Variants in TTC29 observed in about 807,000 individuals in gnomAD.
The protein encoded by TTC29 is tetratricopeptide repeat domain 29, also known as tetratricopeptide repeat protein 29.
TTC29 carries 49 observed loss-of-function variants against 58.1 expected under a neutral mutation model. The observed-to-expected ratio is 0.84, with a 90% CI of 0.67 to 1.07. The LOEUF (loss-of-function observed/expected upper bound fraction) is 1.07. Among genes scored for constraint, TTC29 ranks in the 50% least tolerant of loss-of-function variants. The probability of loss-of-function intolerance (pLI) is 0.00; values close to 1 mark genes in which losing one functional copy is unlikely to be tolerated. For missense variants in TTC29, 582 were observed against 555.6 expected (o/e 1.05, Z -0.48); for synonymous variants, 209 against 196.8 (o/e 1.06, Z -0.52).
At chr4:146,782,915 G>A (rs575923027) in intron 11 of TTC29, among the ~76,000 whole-genome samples, 1 of 152,074 alleles carries the variant, frequency 6.6e-6, no homozygotes, top group Admixed American at 6.6e-5. Flanking sequence ...AAAAGACCTT[G>A]TAAATCCAGA....
intron 6 of TTC29, among the ~76,000 whole-genome samples, chr4:146,875,584 A>C (rs1731204705): frequency 6.6e-6 from 1 of 152,124 alleles, no homozygotes. Flanking sequence ...TCCTGAGCTC[A>C]AGCGATCCTT....
chr4:146,793,866 C>T (rs1749646784), intron 11 of TTC29, among the ~76,000 whole-genome samples: 2 of 152,134 alleles, frequency 1.3e-5, no homozygotes, highest in Non-Finnish European at 2.9e-5. Context: ...TACACTTGCA[C>T]ATGCTTGAAA....
intron 8 of TTC29, among the ~76,000 whole-genome samples, chr4:146,861,422 G>C (rs984551588): frequency 1.3e-5 from 2 of 152,118 alleles, no homozygotes; most frequent in Non-Finnish European, 2.9e-5. Flanking sequence ...CATTCTCCTC[G>C]TTAAATGTCA....
chr4:146,919,080 A>T (rs1734419143), intron 4 of TTC29, among the ~76,000 whole-genome samples: 1 of 151,172 alleles, frequency 6.6e-6, no homozygotes, highest in Non-Finnish European at 1.5e-5. Flanking sequence ...TCCTTTGAGA[A>T]ATTCAAACTT....
chr4:146,747,131 A>G (rs762304812), intron 11 of TTC29, among the ~76,000 whole-genome samples: 1 of 152,114 alleles, frequency 6.6e-6, no homozygotes, highest in Non-Finnish European at 1.5e-5. Flanking sequence ...AGTTTTTACT[A>G]CTAGAGACTC....
intron 6 of TTC29, among the ~76,000 whole-genome samples, chr4:146,875,450 A>T (rs1416540651): frequency 6.6e-6 from 1 of 152,160 alleles, no homozygotes; most frequent in Non-Finnish European, 1.5e-5. Flanking sequence ...TGATACTCTC[A>T]ACCAATATCC....
At chr4:146,708,324 A>ATATATACATGTATGTGTGTG (rs1561046717) in intron 11 of TTC29, among the ~76,000 whole-genome samples, 2 of 35,660 alleles carry the variant, frequency 5.6e-5, no homozygotes, top group African/African-American at 1.2e-4. Flanking sequence ...ATATATATAT[A>ATATATACATGTATGTGTGTG]TATATATATA....
intron 11 of TTC29, among the ~76,000 whole-genome samples, chr4:146,726,241 G>A (rs1007587934): frequency 6.6e-6 from 1 of 152,008 alleles, no homozygotes; most frequent in African/African-American, 2.4e-5. Context: ...ATCACTTGAG[G>A]CCAGGAGTTT....
At chr4:146,857,267 C>T (rs1048376164) in intron 8 of TTC29, among the ~76,000 whole-genome samples, 2 of 129,310 alleles carry the variant, frequency 1.5e-5, no homozygotes, top group Non-Finnish European at 3.2e-5. Flanking sequence ...TGTTTGTGTA[C>T]TAGTGGAAGA....
intron 9 of TTC29, chr4:146,831,610 C>A: frequency 2.8e-6 from 1 of 362,722 alleles, no homozygotes. Flanking sequence ...CCAAATAATA[C>A]TTAAATAGGC....
At chr4:146,903,450 A>C in intron 6 of TTC29, 94 bp downstream of exon 6, 1 of 1,124,862 alleles carries the variant, frequency 8.9e-7, no homozygotes, top group Non-Finnish European at 1.2e-6. Context: ...CTGAAATCTC[A>C]GGTCTTTTTT....
intron 11 of TTC29, among the ~76,000 whole-genome samples, chr4:146,791,209 C>T (rs973563900): frequency 6.6e-6 from 1 of 152,112 alleles, no homozygotes; most frequent in Non-Finnish European, 1.5e-5. Context: ...TTCTTTATTG[C>T]ACTATGCAGA....
chr4:146,877,600 A>G (rs769978249), intron 6 of TTC29, among the ~76,000 whole-genome samples: 92 of 152,176 alleles, frequency 6.0e-4, no homozygotes, highest in Non-Finnish European at 1.1e-3. Flanking sequence ...TCTGTGTGTT[A>G]TATTTCCTCT....
At chr4:146,942,842 G>T in intron 2 of TTC29, 1 of 432,536 alleles carries the variant, frequency 2.3e-6, no homozygotes, top group Non-Finnish European at 4.1e-6. Context: ...CTTCATAATT[G>T]CAGGGGTCTT....
rs766977455 is a variant in TTC29 at position 146,833,899 on chromosome 4, T to C, written c.886-2A>G. 8.1e-6 allele frequency: 13 copies of C among 1,606,908 alleles called. No homozygotes were observed. The South Asian group carries it at 8.8e-5, about 11-fold the overall frequency. On this transcript the variant is annotated splice_acceptor_variant, in intron 8 of 12. Coordinates refer to ENST00000325106, the MANE Select transcript of TTC29 (RefSeq NM_031956.4). LOFTEE classifies it high-confidence loss of function. The stretch of plus-strand genomic sequence containing the variant: ...GATTTTACAGTAAGTGTCAAGGACC[T>C]ATCAGGAAGAGAAATACATATTGAA...
intron 11 of TTC29, among the ~76,000 whole-genome samples, chr4:146,716,636 A>G (rs563613203): frequency 6.6e-6 from 1 of 152,214 alleles, no homozygotes; most frequent in East Asian, 1.9e-4. Flanking sequence ...ATGTATGTTG[A>G]GATTTCCAAA....
chr4:146,744,968 A>G (rs909036065), intron 11 of TTC29, among the ~76,000 whole-genome samples: 8 of 152,156 alleles, frequency 5.3e-5, no homozygotes, highest in African/African-American at 1.9e-4. Flanking sequence ...ATTTATGGAG[A>G]AAATGGAGAA....
chr4:146,760,099 C>G (rs1189144148), intron 11 of TTC29, among the ~76,000 whole-genome samples: 1 of 152,080 alleles, frequency 6.6e-6, no homozygotes, highest in Non-Finnish European at 1.5e-5. Flanking sequence ...TTTCTGGATA[C>G]AAGATTAATG....
rs532710692 is a variant in TTC29, at chr4:146,894,336, A to C, written c.586+9208T>G. 1.4e-3 allele frequency among the ~76,000 whole-genome samples: 217 copies of C among 152,126 alleles called. 1 individual carries two copies. The highest frequency in any genetic ancestry group is 4.9e-3 in the African/African-American group (205 of 41,466). On this transcript the variant is annotated intron_variant, in intron 6 of 12. Coordinates refer to ENST00000325106, the MANE Select transcript of TTC29 (RefSeq NM_031956.4). ...AAAATGTGGCACATATACACCATGGAATACTATGCAGCCATAAAAAATGAT... is the reference window on the plus strand; with the variant it reads ...AAAATGTGGCACATATACACCATGGCATACTATGCAGCCATAAAAAATGAT...
Sources: allele counts gnomAD v4.1 joint callset (sites outside exome capture counted in the v4.1 genomes callset), GRCh38; gene constraint gnomAD v4.1.1; transcripts MANE v1.5; gene names NCBI Gene and HGNC (gene_info 2026-07-23, HGNC 2026-07-21).